KDF1: variants seen among roughly 807,000 people sequenced by gnomAD.
KDF1 encodes the protein keratinocyte differentiation factor 1.
KDF1 carries 11 observed loss-of-function variants against 31.6 expected under a neutral mutation model. That is an observed-to-expected ratio of 0.35 (90% CI 0.22 to 0.58). KDF1 has a LOEUF of 0.58. KDF1 is among the 20% of genes least tolerant of loss of function. The probability of loss-of-function intolerance (pLI) is 0.83; values close to 1 mark genes in which losing one functional copy is unlikely to be tolerated. For synonymous variants in KDF1, 205 were observed against 214.4 expected, an observed-to-expected ratio of 0.96 and a Z score of 0.38; for missense variants, 476 against 549.1, an observed-to-expected ratio of 0.87 and a Z score of 1.33.
In KDF1 at chr1:26,952,724, T is replaced by C. The variant is rs1002644042; in HGVS notation, c.-32-312A>G. ...GGCCGGGCGTGGTGGCTCACGCCTGTAATCCCAGCACTTTGGGAGGCCGAG... is the reference window on the plus strand; with the variant it reads ...GGCCGGGCGTGGTGGCTCACGCCTGCAATCCCAGCACTTTGGGAGGCCGAG... On this transcript the variant is annotated intron_variant, in intron 1 of 3. Coordinates refer to ENST00000320567, the MANE Select transcript of KDF1 (RefSeq NM_152365.3). The surrounding 1 kb of genome is among the most constrained non-coding windows in gnomAD (Gnocchi z 4.1). Among the ~76,000 whole-genome samples, 7 of 152,288 alleles carry C rather than the reference T, an allele frequency of 4.6e-5. No individual in the cohort carries two copies. Among genetic ancestry groups the C allele is most frequent in the African/African-American group, 1.7e-4 (7 of 41,556 alleles).
intron 1 of KDF1, among the ~76,000 whole-genome samples, chr1:26,953,317 G>A (rs2082361324): frequency 6.6e-6 from 1 of 152,204 alleles, no homozygotes; most frequent in Non-Finnish European, 1.5e-5. Context: ...TTTCTGGTGG[G>A]AATGTAAAAT....
At chr1:26,958,935 AAATT>A (rs1368713457) in intron 1 of KDF1, among the ~76,000 whole-genome samples, 2 of 152,242 alleles carry the variant, frequency 1.3e-5, no homozygotes, top group Non-Finnish European at 2.9e-5. Context: ...ATTATTGATT[AAATT>A]AATACAACGA....
chr1:26,951,649 G>C lies in KDF1; in HGVS notation c.732C>G (p.Phe244Leu), dbSNP rs763620227. 31 of 1,613,832 alleles carry C rather than the reference G, an allele frequency of 1.9e-5. No individual in the cohort carries two copies. The South Asian group carries it at 3.3e-4, about 17-fold the overall frequency. Residue 244 changes from phenylalanine (F) to leucine (L), a missense_variant, in exon 2 of 4, where the codon TTC becomes TTG. Physicochemically the swap from Phe to Leu is conservative, Grantham distance 22. Transcript: ENST00000320567. The surrounding 1 kb of genome is among the most constrained non-coding windows in gnomAD (Gnocchi z 5.4). Reference protein sequence around the residue: ...MSSREIDVLIFKKLTELFSVH... With the variant: ...MSSREIDVLILKKLTELFSVH... ...CGCTGAACAGCTCTGTCAGCTTCTT[G>C]AAGATGAGCACATCAATTTCTCGGC...
chr1:26,954,886 T>G (rs1183147154), intron 1 of KDF1, among the ~76,000 whole-genome samples: 3 of 139,630 alleles, frequency 2.1e-5, no homozygotes, highest in Non-Finnish European at 4.6e-5. Context: ...TGAGATGGAG[T>G]CTCGCTCTGT....
At chr1:26,954,613 A>C (rs2082368225) in intron 1 of KDF1, among the ~76,000 whole-genome samples, 1 of 151,040 alleles carries the variant, frequency 6.6e-6, no homozygotes, top group Non-Finnish European at 1.5e-5. Flanking sequence ...TGGGCGGATG[A>C]TTTGAGGTCA....
chr1:26,953,341 T>C (rs2082361397), intron 1 of KDF1, among the ~76,000 whole-genome samples: 1 of 152,206 alleles, frequency 6.6e-6, no homozygotes, highest in Non-Finnish European at 1.5e-5. Flanking sequence ...GCAGCTGCTA[T>C]GGAAAACAGT....
In KDF1 at chr1:26,950,226, G is replaced by T; in HGVS notation, c.1115-75C>A. The T allele has an allele frequency of 7.2e-7, 1 of 1,391,450 alleles. No homozygotes were observed. The highest frequency in any genetic ancestry group is 1.0e-6 in the Non-Finnish European group (1 of 980,274). 86.2% of individuals were successfully genotyped at this position (1,391,450 alleles called of 1,614,324 possible). A position where few individuals can be genotyped will look rare whatever the true frequency, so the allele number is the denominator to read the frequency against. ...ATCCAGATCCCATGACCAGGGAGAAGCCTGCTGAGAAGGAGCAGAGTGGGA... is the reference window on the plus strand; with the variant it reads ...ATCCAGATCCCATGACCAGGGAGAATCCTGCTGAGAAGGAGCAGAGTGGGA... On this transcript the variant is annotated intron_variant, in intron 3 of 3. Transcript: ENST00000320567. This position sits in a 1 kb window ranked among gnomAD's most constrained non-coding sequence, Gnocchi z 4.0.
chr1:26,950,750 G>T lies in KDF1; in HGVS notation c.1046C>A (p.Thr349Lys), dbSNP rs1463908338. Residue 349 changes from threonine (T) to lysine (K), a missense_variant, in exon 3 of 4, where the codon ACA becomes AAA. Thr to Lys is a moderately conservative substitution (Grantham distance 78). Around this residue, in one of 2 missense-constraint regions of KDF1, gnomAD observed 146 missense variants for 216.8 expected, o/e 0.67. Coordinates refer to ENST00000320567, the MANE Select transcript of KDF1 (RefSeq NM_152365.3). The surrounding 1 kb of genome is among the most constrained non-coding windows in gnomAD (Gnocchi z 4.0). ...AGTCGTCTCCTGGGAGATCTGCACT[G>T]TCAGCTCTAGGGAGGGAACGTGAGG... ...VGSGLSQDELTVQISQETTAD... is the reference protein window; with the variant it reads ...VGSGLSQDELKVQISQETTAD... 1.2e-6 allele frequency: 2 copies of T among 1,613,956 alleles called. No homozygotes were observed.
chr1:26,954,246 C>T (rs1403594983), intron 1 of KDF1, among the ~76,000 whole-genome samples: 15 of 132,844 alleles, frequency 1.1e-4, no homozygotes, highest in South Asian at 4.7e-4. Flanking sequence ...TTTTTTGAAA[C>T]GGAGTCTCAC....
chr1:26,956,046 T>C (rs941490939), intron 1 of KDF1, among the ~76,000 whole-genome samples: 3 of 152,124 alleles, frequency 2.0e-5, no homozygotes, highest in African/African-American at 7.2e-5. Flanking sequence ...TCAAGGAAGA[T>C]TATGCAGTAG....
In KDF1 at chr1:26,952,273, G is replaced by A; in HGVS notation, c.108C>T (p.Pro36=). Residue 36 remains proline, a synonymous_variant, in exon 2 of 4, where the codon CCC becomes CCT. Coordinates refer to ENST00000320567, the MANE Select transcript of KDF1 (RefSeq NM_152365.3). The surrounding 1 kb of genome is among the most constrained non-coding windows in gnomAD (Gnocchi z 4.1). The part of the protein sequence containing the change: ...CLETYDKPPQ[P]PPSRRTRRPD... ...GTCTACGGGTGCGGCGGCTTGGTGG[G>A]GGCTGAGGTGGTTTATCATATGTCT... The A allele has an allele frequency of 4.5e-6, 7 of 1,569,602 alleles. No individual in the cohort carries two copies. Among genetic ancestry groups the A allele is most frequent in the Non-Finnish European group, 6.0e-6 (7 of 1,157,092 alleles).
At chr1:26,955,354 T>C (rs17162373) in intron 1 of KDF1, among the ~76,000 whole-genome samples, 5,941 of 152,242 alleles carry the variant, frequency 0.039, 357 homozygotes, top group African/African-American at 0.13. Flanking sequence ...TCCTGGTCCT[T>C]CAAATCAGAT....
Position 26,952,983 on chromosome 1 carries a change from C to CAAA in KDF1, c.-32-574_-32-572dup, listed in dbSNP as rs796770056. Among the ~76,000 whole-genome samples the CAAA allele has an allele frequency of 2.7e-5, 3 of 113,036 alleles. No individual in the cohort carries two copies. The highest frequency in any genetic ancestry group is 5.7e-5 in the Non-Finnish European group (3 of 52,910). 74.2% of individuals were successfully genotyped at this position (113,036 alleles called of 152,430 possible). A position where few individuals can be genotyped will look rare whatever the true frequency, so the allele number is the denominator to read the frequency against. On this transcript the variant is annotated intron_variant, in intron 1 of 3. Coordinates refer to ENST00000320567, the MANE Select transcript of KDF1 (RefSeq NM_152365.3). The surrounding 1 kb of genome is among the most constrained non-coding windows in gnomAD (Gnocchi z 4.1). The stretch of plus-strand genomic sequence containing the variant: ...TGGGCAACAGGGCGAGACTGTGTCT[C>CAAA]AAAAAAAAAAAAGAAAGAAAAAGAA...
chr1:26,952,456 G>A lies in KDF1; in HGVS notation c.-32-44C>T, dbSNP rs2082357204. On this transcript the variant is annotated intron_variant, in intron 1 of 3. Transcript: ENST00000320567. The surrounding 1 kb of genome is among the most constrained non-coding windows in gnomAD (Gnocchi z 4.1). ...GGAAGGAGTCAGGATCAGAGGTGAG[G>A]GACAAACTCCTGGGCTGACTTGAGC... 1 of 1,351,458 alleles carries A rather than the reference G, an allele frequency of 7.4e-7. No individual in the cohort carries two copies. Among genetic ancestry groups the A allele is most frequent in the Non-Finnish European group, 9.9e-7 (1 of 1,006,104 alleles). 83.7% of individuals were successfully genotyped at this position (1,351,458 alleles called of 1,614,324 possible). A position where few individuals can be genotyped will look rare whatever the true frequency, so the allele number is the denominator to read the frequency against.
In KDF1 at chr1:26,952,561, G is replaced by A. The variant is rs2082357647; in HGVS notation, c.-32-149C>T. 10 of 536,074 alleles carry A rather than the reference G, an allele frequency of 1.9e-5. No individual in the cohort carries two copies. The South Asian group carries it at 4.0e-4, about 21-fold the overall frequency. The allele number at this position is 536,074 out of a possible 1,614,324, so 33.2% of individuals were successfully genotyped here. The stretch of plus-strand genomic sequence containing the variant: ...CCCAAAAACCCTTGCCTGGGATGTG[G>A]ATGGACCCAAGTATGCCCAAAAACC... On this transcript the variant is annotated intron_variant, in intron 1 of 3. Transcript: ENST00000320567. This position sits in a 1 kb window ranked among gnomAD's most constrained non-coding sequence, Gnocchi z 4.1.
chr1:26,952,477 T>A lies in KDF1; in HGVS notation c.-32-65A>T. The A allele has an allele frequency of 8.5e-7, 1 of 1,181,808 alleles. No homozygotes were observed. Among genetic ancestry groups the A allele is most frequent in the South Asian group, 1.7e-5 (1 of 57,450 alleles). The allele number at this position is 1,181,808 out of a possible 1,614,324, so 73.2% of individuals were successfully genotyped here. A position where few individuals can be genotyped will look rare whatever the true frequency, so the allele number is the denominator to read the frequency against. Reference sequence around the variant, plus strand: ...TGAGGGACAAACTCCTGGGCTGACTTGAGCAGCTTCACATTTCTAGTTTCT... The same window carrying A: ...TGAGGGACAAACTCCTGGGCTGACTAGAGCAGCTTCACATTTCTAGTTTCT... On this transcript the variant is annotated intron_variant, in intron 1 of 3. Coordinates refer to ENST00000320567, the MANE Select transcript of KDF1 (RefSeq NM_152365.3). The surrounding 1 kb of genome is among the most constrained non-coding windows in gnomAD (Gnocchi z 4.1).
intron 1 of KDF1, among the ~76,000 whole-genome samples, chr1:26,957,962 A>C (rs56942155): frequency 0.068 from 10,106 of 149,380 alleles, 374 homozygotes; most frequent in Non-Finnish European, 0.079. Flanking sequence ...TTACAGGTGC[A>C]TGCCACCACA....
At chr1:26,953,967 A>T (rs1307231015) in intron 1 of KDF1, among the ~76,000 whole-genome samples, 1 of 143,226 alleles carries the variant, frequency 7.0e-6, no homozygotes, top group Non-Finnish European at 1.6e-5. Context: ...AAAAAAAAAA[A>T]AAAAGACAAA....
At position 26,950,190 on chromosome 1, in the gene KDF1, G is replaced by A; in HGVS notation, c.1115-39C>T. 6.4e-7 allele frequency: 1 copy of A among 1,561,148 alleles called. No homozygotes were observed. Among genetic ancestry groups the A allele is most frequent in the Non-Finnish European group, 8.8e-7 (1 of 1,132,468 alleles). On this transcript the variant is annotated intron_variant, in intron 3 of 3. Coordinates refer to ENST00000320567, the MANE Select transcript of KDF1 (RefSeq NM_152365.3). This position sits in a 1 kb window ranked among gnomAD's most constrained non-coding sequence, Gnocchi z 4.0. ...GAGGAGAGGAGGAAACAGGCTCAGG[G>A]GAAGGAGCTCATCCAGATCCCATGA...
Sources: gnomAD v4.1 joint callset for allele counts (sites outside exome capture counted in the v4.1 genomes callset) on GRCh38, gnomAD v4.1.1 for gene constraint, gnomAD v4.1.1 regional missense constraint, Gnocchi (gnomAD v3.1) non-coding constraint, MANE v1.5 for transcripts, NCBI Gene and HGNC (gene_info 2026-07-23, HGNC 2026-07-21) for gene names.